The following RYR1 variants were observed in gnomAD, a reference collection of about 807,000 sequenced individuals.
RYR1 encodes ryanodine receptor 1, also known as central core disease of muscle.
RYR1 carries 342 observed loss-of-function variants against 583.5 expected under a neutral mutation model. The observed-to-expected ratio is 0.59, with a 90% CI of 0.54 to 0.64. The LOEUF is 0.64. Ranked by LOEUF, RYR1 falls within the 30% of genes least tolerant of loss-of-function variation. The pLI is 0.00. For synonymous variants in RYR1, 2,791 were observed against 2,822.5 expected, an observed-to-expected ratio of 0.99 and a Z score of 0.35; for missense variants, 6,032 against 6,917.2, an observed-to-expected ratio of 0.87 and a Z score of 4.54.
chr19:38,464,533 T>A (rs1472458479), intron 22 of RYR1, 106 bp from the exon 23 acceptor site: 5 of 917,322 alleles, frequency 5.5e-6, no homozygotes, highest in Non-Finnish European at 8.7e-6. Flanking sequence ...CCCCAGGCAC[T>A]GAAGCAGCAG....
intron 87 of RYR1, among the ~76,000 whole-genome samples, chr19:38,545,428 T>C (rs1412708501): frequency 6.6e-6 from 1 of 152,172 alleles, no homozygotes; most frequent in Admixed American, 6.6e-5. Context: ...CAACAACTGA[T>C]AGAACTAGCA....
intron 66 of RYR1, among the ~76,000 whole-genome samples, chr19:38,518,017 G>T (rs187018623): frequency 1.7e-4 from 26 of 152,252 alleles, no homozygotes; most frequent in Admixed American, 5.2e-4. Context: ...TACTTGGGAG[G>T]CTGAGGCAGG....
At position 38,525,430 on chromosome 19, in the gene RYR1, G is replaced by A. The variant is rs778920000; in HGVS notation, c.10554G>A (p.Leu3518=). The change falls in exon 71 of 106, where the codon CTG becomes CTA. Residue 3518 remains leucine (L), a synonymous_variant. Transcript: ENST00000359596. The stretch of plus-strand genomic sequence containing the variant: ...TCGTGGCCACACTGAAGAAGATGCT[G>A]CCCATCGGCCTGAATATGTGTGCGC... ...SLIVATLKKM[L]PIGLNMCAPT... The A allele has an allele frequency of 2.4e-5, 38 of 1,613,870 alleles. No homozygotes were observed. The highest frequency in any genetic ancestry group is 2.8e-5 in the Non-Finnish European group (33 of 1,179,972).
At chr19:38,558,006 TATAAA>T (rs142128495) in intron 89 of RYR1, among the ~76,000 whole-genome samples, 17 of 151,600 alleles carry the variant, frequency 1.1e-4, no homozygotes, top group African/African-American at 3.4e-4. Flanking sequence ...TACAATAAAA[TATAAA>T]ATAAAATAAA....
chr19:38,527,026 CACA>C lies in RYR1; in HGVS notation c.10666_10668del (p.Asn3556del), dbSNP rs754350424. 6.2e-7 allele frequency: 1 copy of C among 1,613,972 alleles called. No individual in the cohort carries two copies. Among genetic ancestry groups the C allele is most frequent in the Non-Finnish European group, 8.5e-7 (1 of 1,179,920 alleles). The stretch of plus-strand genomic sequence containing the variant: ...AGATGAGGAGGTCCGGGAATTTCTG[CACA>C]ACAACCTTCACCTTCAGGGAAAGGT... On this transcript the variant is annotated inframe_deletion, in exon 72 of 106. Transcript: ENST00000359596.
chr19:38,506,399 G>T (rs201647922), intron 55 of RYR1, 22 bp downstream of exon 55: 5 of 1,613,732 alleles, frequency 3.1e-6, no homozygotes, highest in Non-Finnish European at 4.2e-6. Context: ...GATCCTTTTG[G>T]GGGGACATAG....
chr19:38,511,703 C>A (rs1399222627), intron 61 of RYR1, 93 bp downstream of exon 61: 2 of 1,453,234 alleles, frequency 1.4e-6, no homozygotes, highest in East Asian at 2.3e-5. Context: ...ATTTGAACAA[C>A]CTTTGTTGTT....
At chr19:38,562,471 A>G (rs888010438) in intron 90 of RYR1, among the ~76,000 whole-genome samples, 4 of 151,948 alleles carry the variant, frequency 2.6e-5, no homozygotes, top group Non-Finnish European at 5.9e-5. Flanking sequence ...GCCGCCAGGT[A>G]CTTGCACACC....
chr19:38,484,412 C>T (rs1230953008), intron 33 of RYR1, among the ~76,000 whole-genome samples: 4 of 151,316 alleles, frequency 2.6e-5, no homozygotes, highest in African/African-American at 9.7e-5. Context: ...CCCTTCCTTC[C>T]TTCCTTCCCC....
rs1320165097 is a variant in RYR1 at position 38,511,754 on chromosome 19, G to GTACCC, written c.9172+144_9172+145insTACCC. 6.7e-6 allele frequency: 7 copies of GTACCC among 1,045,062 alleles called. No individual in the cohort carries two copies. In the East Asian group the frequency reaches 1.7e-4, roughly 26 times the overall value. 64.7% of individuals were successfully genotyped at this position (1,045,062 alleles called of 1,614,324 possible). On this transcript the variant is annotated intron_variant, in intron 61 of 105. Transcript: ENST00000359596. Reference sequence around the variant, plus strand: ...TGGAGACATGGACCAGGTATCCGGGGGGTAGGGCAGTGACTGAGATGCCCT... The same window carrying GTACCC: ...TGGAGACATGGACCAGGTATCCGGGGTACCCGGTAGGGCAGTGACTGAGATGCCCT...
At chr19:38,489,713 C>T (rs1969466494) in intron 35 of RYR1, among the ~76,000 whole-genome samples, 1 of 152,218 alleles carries the variant, frequency 6.6e-6, no homozygotes, top group Non-Finnish European at 1.5e-5. Flanking sequence ...ACTGTAACCT[C>T]CGCCTCCCGG....
Position 38,502,882 on chromosome 19 carries a change from A to C in RYR1, c.7838A>C (p.Tyr2613Ser), listed in dbSNP as rs752548635. Reference sequence around the variant, plus strand: ...ACATCTTGTGCATTGTCCCGCAGGTACATCCGCCCGTCGATGCTGCAGCAC... The same window carrying C: ...ACATCTTGTGCATTGTCCCGCAGGTCCATCCGCCCGTCGATGCTGCAGCAC... ...IEDCLMSLCR[Y>S]IRPSMLQHLL... The change falls in exon 49 of 106, where the codon TAC (tyrosine) becomes TCC (serine). Residue 2613 changes from tyrosine to serine, a missense_variant and splice_region_variant. Tyr to Ser is a moderately radical substitution (Grantham distance 144). This residue lies in a region of RYR1 where 250 missense variants were observed against 162.3 expected (regional missense o/e 1.54). Transcript: ENST00000359596. The C allele has an allele frequency of 1.2e-6, 2 of 1,610,516 alleles. No individual in the cohort carries two copies. Among genetic ancestry groups the C allele is most frequent in the African/African-American group, 2.7e-5 (2 of 74,740 alleles).
At position 38,469,390 on chromosome 19, in the gene RYR1, C is replaced by T; in HGVS notation, c.3642C>T (p.Ala1214=). 6.2e-7 allele frequency: 1 copy of T among 1,614,160 alleles called. No individual in the cohort carries two copies. Among genetic ancestry groups the T allele is most frequent in the Non-Finnish European group, 8.5e-7 (1 of 1,180,036 alleles). ...GQDVSSLRFF[A]ICGLQEGFEP... Reference sequence around the variant, plus strand: ...ACGTGAGCTCTCTGAGGTTCTTTGCCATCTGTGGCCTCCAGGAAGGCTTCG... The same window carrying T: ...ACGTGAGCTCTCTGAGGTTCTTTGCTATCTGTGGCCTCCAGGAAGGCTTCG... The change falls in exon 27 of 106, where the codon GCC becomes GCT. Residue 1214 remains alanine (A), a synonymous_variant. Transcript: ENST00000359596.
Position 38,473,631 on chromosome 19 carries a change from C to A in RYR1, c.4020C>A (p.Gly1340=), listed in dbSNP as rs1277438182. The part of the protein sequence containing the change: ...DYENLRRSAG[G]WSEAENGKEG... ...AAAACCTGCGCCGCTCAGCTGGGGG[C>A]TGGAGCGAGGCAGAGAACGGCAAAG... The change falls in exon 28 of 106, where the codon GGC becomes GGA. Residue 1340 remains glycine (G), a synonymous_variant. Coordinates refer to ENST00000359596, the MANE Select transcript of RYR1 (RefSeq NM_000540.3). 1.3e-6 allele frequency: 2 copies of A among 1,562,710 alleles called. No individual in the cohort carries two copies. The highest frequency in any genetic ancestry group is 1.9e-5 in the Admixed American group (1 of 51,532).
At position 38,506,445 on chromosome 19, in the gene RYR1, G is replaced by C. The variant is rs1173354472; in HGVS notation, c.8617-26G>C. On this transcript the variant is annotated intron_variant, in intron 55 of 105. Transcript: ENST00000359596. ...GGGGGGCTGGCATCCTCTGAATCTA[G>C]CCCTTGACTCTGCATCCACTCCCAG... 2.5e-6 allele frequency: 4 copies of C among 1,613,866 alleles called. No homozygotes were observed. In the African/African-American group the frequency reaches 4.0e-5, roughly 16 times the overall value.
Position 38,446,732 on chromosome 19 carries a change from C to T in RYR1, c.764C>T (p.Ala255Val). Residue 255 changes from alanine to valine, a missense_variant, in exon 9 of 106, where the codon GCC (alanine) becomes GTC (valine). Coordinates refer to ENST00000359596, the MANE Select transcript of RYR1 (RefSeq NM_000540.3). The stretch of plus-strand genomic sequence containing the variant: ...GAGGGGGGAGCTGTGTGCACTCATG[C>T]CCGCTCCCTCTGGAGGCTGGAGCCA... ...YYEGGAVCTH[A>V]RSLWRLEPLR... The T allele has an allele frequency of 1.2e-6, 2 of 1,613,848 alleles. No individual in the cohort carries two copies. The highest frequency in any genetic ancestry group is 1.7e-6 in the Non-Finnish European group (2 of 1,179,906).
rs758223017 is a variant in RYR1, at chr19:38,565,372, T to C, written c.13038T>C (p.Ala4346=). The C allele has an allele frequency of 3.0e-6, 4 of 1,328,850 alleles. No homozygotes were observed. The highest frequency in any genetic ancestry group is 3.8e-6 in the Non-Finnish European group (4 of 1,049,986). The allele number at this position is 1,328,850 out of a possible 1,614,324, so 82.3% of individuals were successfully genotyped here. ...LWAAVTRAGA[A]GAGAAAGALG... The stretch of plus-strand genomic sequence containing the variant: ...CAGCAGTGACGCGCGCTGGGGCCGC[T>C]GGCGCGGGGGCGGCGGCGGGCGCGC... Residue 4346 remains alanine, a synonymous_variant, in exon 91 of 106, where the codon GCT becomes GCC. Transcript: ENST00000359596. The surrounding 1 kb of genome is among the most constrained non-coding windows in gnomAD (Gnocchi z 4.7).
chr19:38,513,253 C>T (rs950932880), intron 63 of RYR1, among the ~76,000 whole-genome samples: 1 of 152,172 alleles, frequency 6.6e-6, no homozygotes, highest in Non-Finnish European at 1.5e-5. Flanking sequence ...AGGAGAATTG[C>T]TTGAACCCAG....
intron 28 of RYR1, among the ~76,000 whole-genome samples, chr19:38,474,174 C>CCCCCCG (rs1968589346): frequency 6.6e-6 from 1 of 152,204 alleles, no homozygotes; most frequent in Non-Finnish European, 1.5e-5. Context: ...TTCTGTGTCA[C>CCCCCCG]AAATGTACCC....
Sources: allele counts gnomAD v4.1 joint callset (sites outside exome capture counted in the v4.1 genomes callset), GRCh38; gene constraint gnomAD v4.1.1; regional missense constraint gnomAD v4.1.1; non-coding constraint Gnocchi (gnomAD v3.1); transcripts MANE v1.5; gene names NCBI Gene and HGNC (gene_info 2026-07-23, HGNC 2026-07-21).